The following ERC2 variants were observed in gnomAD, a reference collection of about 807,000 sequenced individuals.
ERC2 encodes ELKS/RAB6-interacting/CAST family member 2.
ERC2 carries 42 observed loss-of-function variants against 114.8 expected under a neutral mutation model. The ratio of observed to expected loss-of-function variants is 0.37; its 90% CI spans 0.29 to 0.47. The LOEUF (loss-of-function observed/expected upper bound fraction) is 0.47. Among genes scored for constraint, ERC2 ranks in the 20% least tolerant of loss-of-function variants. ERC2 has a pLI of 0.99. For missense variants in ERC2, 939 were observed against 1,150.7 expected (o/e 0.82, Z 2.66); for synonymous variants, 454 against 425.5 (o/e 1.07, Z -0.82).
At chr3:56,359,950 C>T (rs1381972596) in intron 2 of ERC2, among the ~76,000 whole-genome samples, 3 of 152,092 alleles carry the variant, frequency 2.0e-5, no homozygotes, top group Non-Finnish European at 4.4e-5. Context: ...CCTTAGGCCC[C>T]ACCTTCAAAT....
At chr3:56,249,855 C>CTTTTTTTTTT (rs34668162) in intron 3 of ERC2, among the ~76,000 whole-genome samples, 1 of 112,822 alleles carries the variant, frequency 8.9e-6, no homozygotes, top group Non-Finnish European at 1.7e-5. Context: ...CATCAAATTT[C>CTTTTTTTTTT]TTTTTTTTTT....
chr3:56,377,907 C>A (rs1361691047), intron 2 of ERC2, among the ~76,000 whole-genome samples: 1 of 152,004 alleles, frequency 6.6e-6, no homozygotes, highest in African/African-American at 2.4e-5. Context: ...AGCATCCAAC[C>A]TAGCAAGCAA....
chr3:56,053,070 T>C (rs934965357), intron 7 of ERC2, among the ~76,000 whole-genome samples: 1 of 152,172 alleles, frequency 6.6e-6, no homozygotes, highest in African/African-American at 2.4e-5. Context: ...AAACTCCACA[T>C]GGCGAGGCAG....
rs188774334 is a variant in ERC2 at position 56,416,469 on chromosome 3, T to C, written c.657+17882A>G. Reference sequence around the variant, plus strand: ...TTGTTCAGTTACCACCCTTCAAAGCTAACCTCCTTGTGAGAAGAGTATAAA... The same window carrying C: ...TTGTTCAGTTACCACCCTTCAAAGCCAACCTCCTTGTGAGAAGAGTATAAA... On this transcript the variant is annotated intron_variant, in intron 2 of 17. Coordinates refer to ENST00000288221, the MANE Select transcript of ERC2 (RefSeq NM_015576.3). 1.2e-3 allele frequency among the ~76,000 whole-genome samples: 188 copies of C among 152,124 alleles called. 1 individual carries two copies. Among genetic ancestry groups the C allele is most frequent in the Non-Finnish European group, 2.4e-3 (165 of 68,012 alleles).
At chr3:56,401,508 C>T (rs758848587) in intron 2 of ERC2, among the ~76,000 whole-genome samples, 2 of 152,194 alleles carry the variant, frequency 1.3e-5, no homozygotes, top group Non-Finnish European at 2.9e-5. Context: ...CAGATAGCTG[C>T]AGAATATTCC....
chr3:56,350,892 A>ATGAAGCAACC (rs2058527132), intron 2 of ERC2, among the ~76,000 whole-genome samples: 1 of 152,162 alleles, frequency 6.6e-6, no homozygotes, highest in Non-Finnish European at 1.5e-5. Flanking sequence ...GCTTTCTCTT[A>ATGAAGCAACC]TTCAATACTC....
intron 12 of ERC2, among the ~76,000 whole-genome samples, chr3:55,952,601 G>A (rs1282042310): frequency 1.3e-5 from 2 of 152,118 alleles, no homozygotes; most frequent in African/African-American, 4.8e-5. Context: ...GTTATGGAGA[G>A]GTCAGGATGA....
At position 55,510,778 on chromosome 3, in the gene ERC2, A is replaced by C. The variant is rs534616669; in HGVS notation, c.*538T>G. 2 of 152,400 alleles carry C rather than the reference A, an allele frequency of 1.3e-5. No homozygotes were observed. The highest frequency in any genetic ancestry group is 4.1e-4 in the South Asian group (2 of 4,834). The allele number at this position is 152,400 out of a possible 1,614,324, so 9.4% of individuals were successfully genotyped here. A position where few individuals can be genotyped will look rare whatever the true frequency, so the allele number is the denominator to read the frequency against. On this transcript the variant is annotated 3_prime_UTR_variant, in exon 18 of 18. Coordinates refer to ENST00000288221, the MANE Select transcript of ERC2 (RefSeq NM_015576.3). ...TGCATCATGGTATACAAACACTGCC[A>C]ACACCACTCACTCACAGCGAATTTA...
At chr3:55,780,850 C>G (rs75199311) in intron 14 of ERC2, among the ~76,000 whole-genome samples, 5 of 152,192 alleles carry the variant, frequency 3.3e-5, no homozygotes, top group African/African-American at 7.2e-5. Context: ...CTCCTCCCAC[C>G]AGGGCATCTG....
In ERC2 at chr3:56,112,469, TGGCACACACACATA is replaced by T. The variant is rs1431298468; in HGVS notation, c.1473+27026_1473+27039del. Among the ~76,000 whole-genome samples the T allele has an allele frequency of 1.8e-4, 26 of 142,086 alleles. No homozygotes were observed. In the South Asian group the frequency reaches 5.5e-3, roughly 30 times the overall value. The allele number at this position is 142,086 out of a possible 152,430, so 93.2% of individuals were successfully genotyped here. A position where few individuals can be genotyped will look rare whatever the true frequency, so the allele number is the denominator to read the frequency against. ...CACACACACACACACACACACACAT[TGGCACACACACATA>T]GGCACACACTTATGAAAGGTACAAA... On this transcript the variant is annotated intron_variant, in intron 6 of 17. Transcript: ENST00000288221.
chr3:55,659,752 G>T (rs2061039819), intron 17 of ERC2, among the ~76,000 whole-genome samples: 2 of 151,904 alleles, frequency 1.3e-5, no homozygotes, highest in Admixed American at 1.3e-4. Flanking sequence ...ATGTATTTAT[G>T]GACATAGGTA....
chr3:56,402,391 C>T (rs755779077), intron 2 of ERC2, among the ~76,000 whole-genome samples: 14 of 152,294 alleles, frequency 9.2e-5, no homozygotes, highest in South Asian at 4.1e-4. Context: ...TGACATGGCA[C>T]AGATGGGCAT....
At chr3:55,548,151 G>A (rs1387734768) in intron 17 of ERC2, among the ~76,000 whole-genome samples, 3 of 152,256 alleles carry the variant, frequency 2.0e-5, no homozygotes, top group Non-Finnish European at 2.9e-5. Flanking sequence ...ATGCCAGGCT[G>A]AAGTGACCTG....
chr3:56,074,882 A>C (rs2076900149), intron 7 of ERC2, among the ~76,000 whole-genome samples: 1 of 152,112 alleles, frequency 6.6e-6, no homozygotes, highest in Non-Finnish European at 1.5e-5. Flanking sequence ...TCTCAAAGCA[A>C]TTTCTCCTCT....
intron 14 of ERC2, among the ~76,000 whole-genome samples, chr3:55,785,673 C>A (rs1261920058): frequency 1.3e-5 from 2 of 152,214 alleles, no homozygotes; most frequent in Admixed American, 1.3e-4. Flanking sequence ...TCATGCTGCC[C>A]GGAAGTGCCT....
chr3:55,695,079 A>T (rs1302200246), intron 16 of ERC2, among the ~76,000 whole-genome samples: 1 of 152,250 alleles, frequency 6.6e-6, no homozygotes, highest in East Asian at 1.9e-4. Context: ...GCAGAGAAGG[A>T]GATGCTATTT....
chr3:56,294,528 C>G (rs902564006), intron 3 of ERC2, among the ~76,000 whole-genome samples: 1 of 152,220 alleles, frequency 6.6e-6, no homozygotes, highest in Non-Finnish European at 1.5e-5. Flanking sequence ...ACCCTCAGTT[C>G]CTTACCACAT....
chr3:56,184,636 C>T (rs78995011), intron 3 of ERC2, among the ~76,000 whole-genome samples: 1,729 of 152,224 alleles, frequency 0.011, 11 homozygotes, highest in Non-Finnish European at 0.019. Context: ...AGTACAAGCA[C>T]GGTCAGTCTG....
At chr3:56,396,169 A>T (rs141011971) in intron 2 of ERC2, among the ~76,000 whole-genome samples, 73 of 152,338 alleles carry the variant, frequency 4.8e-4, no homozygotes, top group African/African-American at 1.7e-3. Flanking sequence ...TCATGTTCAT[A>T]TCCTTTTACT....
Sources: allele counts gnomAD v4.1 joint callset (sites outside exome capture counted in the v4.1 genomes callset), GRCh38; gene constraint gnomAD v4.1.1; transcripts MANE v1.5; gene names NCBI Gene and HGNC (gene_info 2026-07-23, HGNC 2026-07-21).